The following KIF20B variants were observed in gnomAD, a reference collection of about 807,000 sequenced individuals.
KIF20B encodes the protein kinesin-like protein KIF20B.
In KIF20B, 188 loss-of-function variants were observed where a neutral mutation model predicts 232.5. The ratio of observed to expected loss-of-function variants is 0.81; its 90% confidence interval spans 0.72 to 0.91. The LOEUF (loss-of-function observed/expected upper bound fraction) is 0.91. KIF20B is among the 40% of genes least tolerant of loss of function. The pLI is 0.00. For synonymous variants in KIF20B, 712 were observed against 683.0 expected, an observed-to-expected ratio of 1.04 and a Z score of -0.66; for missense variants, 2,154 against 2,055.9, an observed-to-expected ratio of 1.05 and a Z score of -0.92.
intron 2 of KIF20B, among the ~76,000 whole-genome samples, chr10:89,706,186 G>A (rs147203371): frequency 2.6e-5 from 4 of 152,224 alleles, no homozygotes; most frequent in African/African-American, 9.6e-5. Context: ...TATTTCTAGT[G>A]GATGTGTAAT....
At chr10:89,738,748 C>CTTTTT in intron 20 of KIF20B, 131 bp downstream of exon 20, 2 of 1,245,820 alleles carry the variant, frequency 1.6e-6, no homozygotes, top group Non-Finnish European at 2.1e-6. Flanking sequence ...AGAACTTGAA[C>CTTTTT]TTTGTCCATA....
Position 89,725,059 on chromosome 10 carries a change from T to G in KIF20B, c.1902T>G (p.Asn634Lys). 1 of 1,613,782 alleles carries G rather than the reference T, an allele frequency of 6.2e-7. No homozygotes were observed. Among genetic ancestry groups the G allele is most frequent in the Non-Finnish European group, 8.5e-7 (1 of 1,179,788 alleles). The change falls in exon 15 of 33, where the codon AAT becomes AAG. Residue 634 changes from asparagine to lysine, a missense_variant. Coordinates refer to ENST00000371728, the MANE Select transcript of KIF20B (RefSeq NM_001284259.2). ...LLQEREILEE[N>K]AERRLAIFKD... ...AAGAACGAGAGATATTAGAAGAAAA[T>G]GCTGAACGTCGTTTGGCTATCTTCA...
At position 89,767,530 on chromosome 10, in the gene KIF20B, G is replaced by A. The variant is rs989762975; in HGVS notation, c.4990-760G>A. On this transcript the variant is annotated intron_variant, in intron 29 of 32. Coordinates refer to ENST00000371728, the MANE Select transcript of KIF20B (RefSeq NM_001284259.2). ...TTTGTAATTTGGATTCTGAGGTTCAGTCATGATCTTTTCTCTGCTTCTCTT... is the reference window on the plus strand; with the variant it reads ...TTTGTAATTTGGATTCTGAGGTTCAATCATGATCTTTTCTCTGCTTCTCTT... Among the ~76,000 whole-genome samples, 4 of 151,964 alleles carry A rather than the reference G, an allele frequency of 2.6e-5. No homozygotes were observed. The East Asian group carries it at 5.8e-4, about 22-fold the overall frequency.
At chr10:89,760,127 A>G (rs572803520) in intron 27 of KIF20B, among the ~76,000 whole-genome samples, 13 of 152,294 alleles carry the variant, frequency 8.5e-5, no homozygotes, top group African/African-American at 3.1e-4. Context: ...ATACTGAGCA[A>G]TTCTAACTCA....
chr10:89,744,564 T>C (rs1019239191), intron 22 of KIF20B, among the ~76,000 whole-genome samples: 7 of 152,172 alleles, frequency 4.6e-5, no homozygotes, highest in Non-Finnish European at 1.0e-4. Flanking sequence ...GCTAAAATTA[T>C]TTTGAAATAA....
intron 17 of KIF20B, 74 bp from the exon 18 acceptor site, chr10:89,729,054 C>A: frequency 8.6e-7 from 1 of 1,168,204 alleles, no homozygotes; most frequent in Non-Finnish European, 1.1e-6. Flanking sequence ...AAACTGTTTG[C>A]ATTATTAATC....
intron 27 of KIF20B, among the ~76,000 whole-genome samples, chr10:89,759,491 G>A (rs910615192): frequency 2.0e-5 from 3 of 152,022 alleles, no homozygotes; most frequent in Non-Finnish European, 2.9e-5. Flanking sequence ...AAAGCCTTCA[G>A]ACAATAGGAA....
intron 31 of KIF20B, 64 bp from the exon 32 acceptor site, chr10:89,772,625 A>T (rs1589316140): frequency 9.8e-7 from 1 of 1,021,986 alleles, no homozygotes; most frequent in Non-Finnish European, 1.4e-6. Flanking sequence ...TTTATTAAGG[A>T]TTTCAAATCA....
rs375586078 is a variant in KIF20B at position 89,715,168 on chromosome 10, A to G, written c.926A>G (p.Tyr309Cys). Reference sequence around the variant, plus strand: ...CGCCTTTCCCAAGACGTAAAGGGCTATTCTTTTATAAAAGGTATACTAATG... The same window carrying G: ...CGCCTTTCCCAAGACGTAAAGGGCTGTTCTTTTATAAAAGGTATACTAATG... ...MLRLSQDVKG[Y>C]SFIKDLQWIQ... Residue 309 changes from tyrosine to cysteine, a missense_variant, in exon 8 of 33, where the codon TAT becomes TGT. Tyr to Cys is a radical substitution (Grantham distance 194). Transcript: ENST00000371728. 38 of 1,588,024 alleles carry G rather than the reference A, an allele frequency of 2.4e-5. No individual in the cohort carries two copies. Among genetic ancestry groups the G allele is most frequent in the Non-Finnish European group, 3.3e-5 (38 of 1,164,998 alleles).
chr10:89,719,252 C>T (rs910542691), intron 12 of KIF20B, among the ~76,000 whole-genome samples, 167 bp from the exon 13 acceptor site: 3 of 152,088 alleles, frequency 2.0e-5, no homozygotes, highest in African/African-American at 7.2e-5. Flanking sequence ...AGCTTTTTTC[C>T]TATCAGAATG....
At chr10:89,760,421 T>G in intron 27 of KIF20B, 105 bp from the exon 28 acceptor site, 1 of 683,898 alleles carries the variant, frequency 1.5e-6, no homozygotes, top group South Asian at 1.9e-5. Flanking sequence ...TAATTTCCAT[T>G]GTTTAGTTTC....
In KIF20B at chr10:89,738,974, T is replaced by C; in HGVS notation, c.3793T>C (p.Ser1265Pro). The C allele has an allele frequency of 3.1e-6, 5 of 1,611,666 alleles. No homozygotes were observed. The highest frequency in any genetic ancestry group is 4.2e-6 in the Non-Finnish European group (5 of 1,179,292). ...GTTTTTTAGATTGAAAGAGGAACTC[T>C]CTGCAAGCTCTGCTCGTACCCAGAA... Reference protein sequence around the residue: ...QETEKLKEELSASSARTQNLK... With the variant: ...QETEKLKEELPASSARTQNLK... Residue 1265 changes from serine (S) to proline (P), a missense_variant, in exon 21 of 33, where the codon TCT (serine) becomes CCT (proline). By Grantham distance (74) the Ser-to-Pro change is moderately conservative. Transcript: ENST00000371728.
At chr10:89,736,574 T>G (rs1841658239) in intron 19 of KIF20B, among the ~76,000 whole-genome samples, 1 of 152,156 alleles carries the variant, frequency 6.6e-6, no homozygotes, top group Non-Finnish European at 1.5e-5. Context: ...TTTTAGTCTC[T>G]TAGCATTATT....
chr10:89,754,651 T>A lies in KIF20B; in HGVS notation c.4481T>A (p.Phe1494Tyr). 1 of 1,581,912 alleles carries A rather than the reference T, an allele frequency of 6.3e-7. No homozygotes were observed. The highest frequency in any genetic ancestry group is 1.7e-4 in the Middle Eastern group (1 of 5,934). The change falls in exon 26 of 33, where the codon TTT (phenylalanine) becomes TAT (tyrosine). Residue 1494 changes from phenylalanine (F) to tyrosine (Y), a missense_variant. Phe to Tyr is a conservative substitution (Grantham distance 22). Transcript: ENST00000371728. Reference protein sequence around the residue: ...MKKYAEDRERFFKQQNEMEIL... With the variant: ...MKKYAEDRERYFKQQNEMEIL... Reference sequence around the variant, plus strand: ...AAATATGCTGAGGACAGGGAGCGTTTTTTTAAGCAACAGAATGAAATGGTT... The same window carrying A: ...AAATATGCTGAGGACAGGGAGCGTTATTTTAAGCAACAGAATGAAATGGTT...
chr10:89,754,872 A>C (rs1842090189), intron 26 of KIF20B, among the ~76,000 whole-genome samples, 199 bp downstream of exon 26: 1 of 152,222 alleles, frequency 6.6e-6, no homozygotes. Flanking sequence ...CAGTTGATTT[A>C]GCATGTTGGG....
chr10:89,746,198 C>G (rs762522711), intron 23 of KIF20B, among the ~76,000 whole-genome samples: 44 of 152,186 alleles, frequency 2.9e-4, no homozygotes, highest in Non-Finnish European at 4.0e-4. Flanking sequence ...TCAGCCTAGC[C>G]GTCCACAGGC....
intron 21 of KIF20B, among the ~76,000 whole-genome samples, chr10:89,740,233 CTT>C (rs35967236): frequency 0.22 from 29,884 of 135,260 alleles, 3,367 homozygotes; most frequent in Admixed American, 0.31. Flanking sequence ...ATTGTGCTGT[CTT>C]TTTTTTTTTT....
chr10:89,710,057 C>T lies in KIF20B; in HGVS notation c.482C>T (p.Thr161Ile), dbSNP rs776389826. The T allele has an allele frequency of 1.3e-6, 2 of 1,594,356 alleles. No homozygotes were observed. The highest frequency in any genetic ancestry group is 3.5e-5 in the Admixed American group (2 of 56,966). ...YGLTNSGKTYTFQGTEENIGI... is the reference protein window; with the variant it reads ...YGLTNSGKTYIFQGTEENIGI... ...CTAACCAATTCAGGAAAAACATATA[C>T]ATTTCAAGGTAAATATTGTTTTATT... The change falls in exon 5 of 33, where the codon ACA becomes ATA. Residue 161 changes from threonine to isoleucine, a missense_variant. Thr to Ile is a moderately conservative substitution (Grantham distance 89). Transcript: ENST00000371728.
rs774604912 is a variant in KIF20B, at chr10:89,725,018, AG to A, written c.1864del. 1 of 1,611,654 alleles carries A rather than the reference AG, an allele frequency of 6.2e-7. No homozygotes were observed. The highest frequency in any genetic ancestry group is 8.5e-7 in the Non-Finnish European group (1 of 1,178,874). ...TTAATGGGATTAATTTGTATTTTGA[AG>A]GGAGACTCTGCTTCAAGAACGAGAG... On this transcript the variant is annotated splice_acceptor_variant, in intron 14 of 32. Transcript: ENST00000371728. LOFTEE classifies it high-confidence loss of function.
Sources: gnomAD v4.1 joint callset for allele counts (sites outside exome capture counted in the v4.1 genomes callset) on GRCh38, gnomAD v4.1.1 for gene constraint, MANE v1.5 for transcripts, NCBI Gene and HGNC (gene_info 2026-07-23, HGNC 2026-07-21) for gene names.